Variants in PDE6C observed in about 807,000 individuals in gnomAD.
PDE6C encodes cone cGMP-specific 3',5'-cyclic phosphodiesterase subunit alpha'.
A neutral mutation model predicts 113.1 loss-of-function variants in PDE6C; 75 were observed. The ratio of observed to expected loss-of-function variants is 0.66; its 90% confidence interval spans 0.55 to 0.80. The LOEUF is 0.80. Among genes scored for constraint, PDE6C ranks in the 30% least tolerant of loss-of-function variants. The probability of loss-of-function intolerance (pLI) is 0.00; values close to 1 mark genes in which losing one functional copy is unlikely to be tolerated. For missense variants in PDE6C, 912 were observed against 1,038.6 expected (o/e 0.88, Z 1.67); for synonymous variants, 375 against 363.7 (o/e 1.03, Z -0.35).
At position 93,620,961 on chromosome 10, in the gene PDE6C, T is replaced by C; in HGVS notation, c.704T>C (p.Ile235Thr). ...CATCACACCAGCTACATGTACAATATTGAATCCCGAAGAAGCCAGGTAAAA... is the reference window on the plus strand; with the variant it reads ...CATCACACCAGCTACATGTACAATACTGAATCCCGAAGAAGCCAGGTAAAA... ...RLHHTSYMYN[I>T]ESRRSQILMW... is the part of the protein sequence containing the mutation. Residue 235 changes from isoleucine to threonine, a missense_variant, in exon 3 of 22, where the codon ATT (isoleucine) becomes ACT (threonine). Ile to Thr is a moderately conservative substitution (Grantham distance 89, BLOSUM62 -1). Coordinates refer to ENST00000371447, the MANE Select transcript of PDE6C (RefSeq NM_006204.4). 6.2e-7 allele frequency: 1 copy of C among 1,613,860 alleles called. No homozygotes were observed. The highest frequency in any genetic ancestry group is 8.5e-7 in the Non-Finnish European group (1 of 1,179,786).
chr10:93,665,315 A>G (rs1409003965), intron 21 of PDE6C, 45 bp from the exon 22 acceptor site: 1 of 1,340,568 alleles, frequency 7.5e-7, no homozygotes, highest in Non-Finnish European at 1.1e-6. Flanking sequence ...AAAACACTGT[A>G]TATCCACTAA....
chr10:93,615,219 G>C (rs191528880), intron 1 of PDE6C, among the ~76,000 whole-genome samples: 82 of 152,282 alleles, frequency 5.4e-4, no homozygotes, highest in Non-Finnish European at 8.1e-4. Context: ...CTGAGTCTGG[G>C]AGGCCAAGGC....
chr10:93,616,583 C>A (rs903347339), intron 1 of PDE6C, among the ~76,000 whole-genome samples: 1 of 151,336 alleles, frequency 6.6e-6, no homozygotes, highest in Admixed American at 6.6e-5. Flanking sequence ...CGTTTAGGAG[C>A]TGGATATGGT....
intron 15 of PDE6C, among the ~76,000 whole-genome samples, chr10:93,650,503 T>C (rs4919390): frequency 0.96 from 146,241 of 152,340 alleles, 70,238 homozygotes; most frequent in East Asian, 1. Context: ...TCTCCTTGGC[T>C]TTCCAAAGCA....
intron 13 of PDE6C, among the ~76,000 whole-genome samples, 169 bp downstream of exon 13, chr10:93,640,726 A>G (rs142379164): frequency 1.3e-3 from 203 of 152,292 alleles, no homozygotes; most frequent in African/African-American, 4.6e-3. Context: ...TGGGATGATC[A>G]TTCAGACATT....
chr10:93,658,864 A>G, intron 16 of PDE6C, 37 bp from the exon 17 acceptor site: 1 of 1,214,348 alleles, frequency 8.2e-7, no homozygotes, highest in Non-Finnish European at 1.2e-6. Context: ...CTCTTTTCAT[A>G]AGCTAAAATT....
intron 9 of PDE6C, 62 bp from the exon 10 acceptor site, chr10:93,635,425 GTGCAGATTGT>G: frequency 8.7e-7 from 1 of 1,149,582 alleles, no homozygotes. Context: ...ATAGAAAAGC[GTGCAGATTGT>G]TGCCTCCAAA....
chr10:93,646,006 A>T lies in PDE6C; in HGVS notation c.1894A>T (p.Arg632Trp), dbSNP rs878853346. ...ACTTCATGGTTCTTCTATTTTGGAG[A>T]GGCACCACCTGGAGTACAGTAAGAC... is the stretch of plus-strand genomic sequence containing the variant. ...ARLHGSSILERHHLEYSKTLL... is the reference protein window; with the variant it reads ...ARLHGSSILEWHHLEYSKTLL... Residue 632 changes from arginine to tryptophan, a missense_variant, in exon 15 of 22, where the codon AGG becomes TGG. By Grantham distance (101) the Arg-to-Trp change is moderately radical (BLOSUM62 -3). Coordinates refer to ENST00000371447, the MANE Select transcript of PDE6C (RefSeq NM_006204.4). 3 of 1,609,386 alleles carry T rather than the reference A, an allele frequency of 1.9e-6. No individual in the cohort carries two copies. Among genetic ancestry groups the T allele is most frequent in the Non-Finnish European group, 2.6e-6 (3 of 1,175,866 alleles).
chr10:93,663,867 C>A (rs2058677941), intron 21 of PDE6C, among the ~76,000 whole-genome samples: 1 of 152,154 alleles, frequency 6.6e-6, no homozygotes, highest in South Asian at 2.1e-4. Flanking sequence ...ATGCTAATTT[C>A]TGTCTTGAAA....
At chr10:93,648,637 A>G (rs1320476189) in intron 15 of PDE6C, among the ~76,000 whole-genome samples, 1 of 152,196 alleles carries the variant, frequency 6.6e-6, no homozygotes, top group Admixed American at 6.5e-5. Context: ...CTATCCTAGC[A>G]GAGATGGATT....
intron 8 of PDE6C, among the ~76,000 whole-genome samples, chr10:93,633,016 A>C (rs1201578053): frequency 2.0e-5 from 3 of 152,262 alleles, no homozygotes; most frequent in African/African-American, 7.2e-5. Flanking sequence ...AGGGGCCTGT[A>C]AGGATGACTA....
intron 16 of PDE6C, among the ~76,000 whole-genome samples, chr10:93,658,608 G>T (rs574314869): frequency 2.6e-5 from 4 of 151,946 alleles, no homozygotes; most frequent in African/African-American, 9.7e-5. Context: ...ACTGCACCCG[G>T]CCTTATATGT....
intron 16 of PDE6C, among the ~76,000 whole-genome samples, chr10:93,658,435 T>A (rs1454315124): frequency 6.6e-6 from 1 of 152,056 alleles, no homozygotes; most frequent in Non-Finnish European, 1.5e-5. Flanking sequence ...TTGGGGCCTT[T>A]ATTTTTAGGT....
chr10:93,612,928 C>T lies in PDE6C; in HGVS notation c.203C>T (p.Thr68Ile), dbSNP rs62642544. The change falls in exon 1 of 22, where the codon ACC (threonine) becomes ATC (isoleucine). Residue 68 changes from threonine (T) to isoleucine (I), a missense_variant. By Grantham distance (89) the Thr-to-Ile change is moderately conservative (BLOSUM62 -1). Coordinates refer to ENST00000371447, the MANE Select transcript of PDE6C (RefSeq NM_006204.4). The stretch of plus-strand genomic sequence containing the variant: ...GCCCTGTGCTTGGAGCTGCTGTGGA[C>T]CGTGCAGGAGGAGGGGGGCACCCCA... ...ESALCLELLWTVQEEGGTPEQ... is the reference protein window; with the variant it reads ...ESALCLELLWIVQEEGGTPEQ... The T allele has an allele frequency of 1.2e-3, 1,926 of 1,613,968 alleles. 25 individuals carry two copies. The African/African-American group carries it at 0.022, about 19-fold the overall frequency.
chr10:93,613,126 T>C lies in PDE6C; in HGVS notation c.401T>C (p.Val134Ala). 6.2e-7 allele frequency: 1 copy of C among 1,614,084 alleles called. No homozygotes were observed. The highest frequency in any genetic ancestry group is 1.3e-5 in the African/African-American group (1 of 75,014). The change falls in exon 1 of 22, where the codon GTT (valine) becomes GCT (alanine). Residue 134 changes from valine (V) to alanine (A), a missense_variant. Val to Ala is a moderately conservative substitution (Grantham distance 64). Coordinates refer to ENST00000371447, the MANE Select transcript of PDE6C (RefSeq NM_006204.4). ...AACCTGGTGGGCCCTGACAAAGAAG[T>C]TGTGTTTCCATTGGACATTGGGATA... The part of the protein sequence containing the change: ...EDNLVGPDKE[V>A]VFPLDIGIVG...
chr10:93,665,311 C>T, intron 21 of PDE6C, 49 bp from the exon 22 acceptor site: 1 of 1,311,040 alleles, frequency 7.6e-7, no homozygotes, highest in Non-Finnish European at 1.1e-6. Context: ...AATAAAAACA[C>T]TGTATATCCA....
chr10:93,646,766 G>A (rs2058586476), intron 15 of PDE6C, among the ~76,000 whole-genome samples: 1 of 152,142 alleles, frequency 6.6e-6, no homozygotes, highest in Admixed American at 6.6e-5. Flanking sequence ...AAGAAACACT[G>A]CTCGCAAAAT....
At position 93,612,658 on chromosome 10, in the gene PDE6C, T is replaced by C; in HGVS notation, c.-68T>C. 5 of 1,607,640 alleles carry C rather than the reference T, an allele frequency of 3.1e-6. No individual in the cohort carries two copies. The highest frequency in any genetic ancestry group is 1.1e-5 in the South Asian group (1 of 90,592). On this transcript the variant is annotated 5_prime_UTR_variant, in exon 1 of 22. Coordinates refer to ENST00000371447, the MANE Select transcript of PDE6C (RefSeq NM_006204.4). ...TCCACCAGGATGAATTTCCTTCTCA[T>C]CACTCTGCCTCAGGTAGTGCTCTGA...
chr10:93,637,282 T>C (rs1370466773), intron 11 of PDE6C, among the ~76,000 whole-genome samples: 1 of 152,210 alleles, frequency 6.6e-6, no homozygotes, highest in East Asian at 1.9e-4. Flanking sequence ...ACAGATAATT[T>C]ACAATTGTAG....
Sources: allele counts gnomAD v4.1 joint callset (sites outside exome capture counted in the v4.1 genomes callset), GRCh38; gene constraint gnomAD v4.1.1; transcripts MANE v1.5; gene names NCBI Gene and HGNC (gene_info 2026-07-23, HGNC 2026-07-21).